The following RALGPS1 variants were observed in gnomAD, a reference collection of about 807,000 sequenced individuals.
The protein encoded by RALGPS1 is Ral GEF with PH domain and SH3 binding motif 1, also known as ras-specific guanine nucleotide-releasing factor RalGPS1.
Under a neutral mutation model 78.8 loss-of-function variants are expected in RALGPS1, and 19 were observed. The observed-to-expected ratio is 0.24, with a 90% CI of 0.17 to 0.35. The LOEUF is 0.35. Ranked by LOEUF, RALGPS1 falls within the 10% of genes least tolerant of loss-of-function variation. The pLI is 1.00. For synonymous variants in RALGPS1, 228 were observed against 256.3 expected (o/e 0.89, Z 1.06); for missense variants, 454 against 688.3 (o/e 0.66, Z 3.81).
rs984227720 is a variant in RALGPS1, at chr9:127,216,812, A to G, written c.1645-1928A>G. On this transcript the variant is annotated intron_variant, in intron 18 of 18. Coordinates refer to ENST00000259351, the MANE Select transcript of RALGPS1 (RefSeq NM_014636.3). ...GGAAGAGCATCCTGGCCTCCTCCAT[A>G]CTGGTCACACCATGTGTGTCTGGGG... 3 of 1,196,026 alleles carry G rather than the reference A, an allele frequency of 2.5e-6. No individual in the cohort carries two copies. The Admixed American group carries it at 1.1e-4, about 44-fold the overall frequency. The allele number at this position is 1,196,026 out of a possible 1,614,324, so 74.1% of individuals were successfully genotyped here. A position where few individuals can be genotyped will look rare whatever the true frequency, so the allele number is the denominator to read the frequency against.
At chr9:126,991,071 C>T (rs372959216) in intron 4 of RALGPS1, among the ~76,000 whole-genome samples, 5 of 152,284 alleles carry the variant, frequency 3.3e-5, no homozygotes, top group East Asian at 1.9e-4. Flanking sequence ...TTAGAGCTAT[C>T]GTTACTTAGC....
intron 11 of RALGPS1, 85 bp from the exon 12 acceptor site, chr9:127,195,006 C>A: frequency 6.5e-7 from 1 of 1,532,670 alleles, no homozygotes; most frequent in South Asian, 1.1e-5. Flanking sequence ...AACCCGGGGC[C>A]CACCTCCACA....
Position 126,940,657 on chromosome 9 carries a change from G to A in RALGPS1, c.-65-21568G>A, listed in dbSNP as rs138006604. On this transcript the variant is annotated intron_variant, in intron 1 of 18. Transcript: ENST00000259351. ...GGGGTTTTGTCGTGTTAGCCAGGAC[G>A]GTCTCGATCTCCTGACCTCGTGATC... 5.9e-3 allele frequency among the ~76,000 whole-genome samples: 893 copies of A among 152,106 alleles called. 28 individuals are homozygous for A. In the East Asian group the frequency reaches 0.082, roughly 14 times the overall value.
At chr9:127,067,036 A>G (rs1257422313) in intron 7 of RALGPS1, among the ~76,000 whole-genome samples, 1 of 152,160 alleles carries the variant, frequency 6.6e-6, no homozygotes, top group East Asian at 1.9e-4. Context: ...TGTTGAATCA[A>G]GTTCCCCAAA....
intron 4 of RALGPS1, among the ~76,000 whole-genome samples, chr9:126,990,558 C>T (rs1384150888): frequency 1.3e-5 from 2 of 152,220 alleles, no homozygotes; most frequent in African/African-American, 2.4e-5. Flanking sequence ...CACAGCCTCC[C>T]TGGTGTTCAC....
intron 8 of RALGPS1, among the ~76,000 whole-genome samples, chr9:127,124,608 A>G (rs1318537485): frequency 6.6e-6 from 1 of 152,206 alleles, no homozygotes; most frequent in African/African-American, 2.4e-5. Context: ...ACACAGCATT[A>G]GTAACTGGGA....
intron 7 of RALGPS1, among the ~76,000 whole-genome samples, chr9:127,055,410 G>T (rs2048659933): frequency 6.6e-6 from 1 of 152,196 alleles, no homozygotes; most frequent in Admixed American, 6.5e-5. Context: ...TAGAGATGGT[G>T]CCTTGCTATG....
rs926286238 is a variant in RALGPS1, at chr9:127,122,239, T to A, written c.611-43830T>A. On this transcript the variant is annotated intron_variant, in intron 8 of 18. Coordinates refer to ENST00000259351, the MANE Select transcript of RALGPS1 (RefSeq NM_014636.3). This position sits in a 1 kb window ranked among gnomAD's most constrained non-coding sequence, Gnocchi z 6.4. ...CACACCCCCAGCTGGAGGGTCAGGG[T>A]TCTGGAAGCCCTAGCCACGGGGCCA... The A allele has an allele frequency of 4.6e-5, 7 of 152,226 alleles. No homozygotes were observed. The highest frequency in any genetic ancestry group is 7.3e-5 in the Non-Finnish European group (5 of 68,134). 9.4% of individuals were successfully genotyped at this position (152,226 alleles called of 1,614,324 possible).
At chr9:127,021,450 A>G (rs1299201863) in intron 4 of RALGPS1, among the ~76,000 whole-genome samples, 5 of 150,834 alleles carry the variant, frequency 3.3e-5, no homozygotes, top group African/African-American at 9.7e-5. Context: ...GTGAGCTGAG[A>G]TCGCACCATT....
intron 8 of RALGPS1, among the ~76,000 whole-genome samples, chr9:127,099,190 G>T (rs1472539947): frequency 3.9e-5 from 6 of 152,174 alleles, no homozygotes; most frequent in African/African-American, 1.4e-4. Context: ...ACCACCTTAG[G>T]CCACTCAGAG....
chr9:127,040,620 A>G (rs566918691), intron 5 of RALGPS1, among the ~76,000 whole-genome samples: 2 of 152,256 alleles, frequency 1.3e-5, no homozygotes, highest in South Asian at 4.1e-4. Context: ...TGGGAAATCA[A>G]GAAGAAAGAG....
chr9:127,150,876 G>T (rs1216870670), intron 8 of RALGPS1, among the ~76,000 whole-genome samples: 9 of 152,122 alleles, frequency 5.9e-5, no homozygotes, highest in Non-Finnish European at 1.3e-4. Flanking sequence ...GCTACAGTGG[G>T]TGTGATCCAT....
At chr9:127,200,955 T>G (rs78477228) in intron 14 of RALGPS1, among the ~76,000 whole-genome samples, 1 of 152,248 alleles carries the variant, frequency 6.6e-6, no homozygotes, top group African/African-American at 2.4e-5. Flanking sequence ...ATTCACTCAC[T>G]TATTCATTCA....
chr9:126,971,550 A>C (rs2132456412), intron 3 of RALGPS1, among the ~76,000 whole-genome samples: 1 of 152,358 alleles, frequency 6.6e-6, no homozygotes, highest in Non-Finnish European at 1.5e-5. Context: ...AGTGAGCCAA[A>C]GAATTTATAA....
chr9:127,123,039 C>G (rs1022055394), intron 8 of RALGPS1, among the ~76,000 whole-genome samples: 1 of 152,246 alleles, frequency 6.6e-6, no homozygotes, highest in Admixed American at 6.5e-5. Flanking sequence ...CAGCCGCGTG[C>G]GAGCAGCAGG....
intron 10 of RALGPS1, 72 bp downstream of exon 10, chr9:127,168,844 G>A: frequency 1.5e-6 from 2 of 1,308,520 alleles, no homozygotes; most frequent in South Asian, 2.4e-5. Context: ...GTCCCTGCAA[G>A]TGGCCTAGCC....
chr9:127,013,018 TC>T (rs1174083345), intron 4 of RALGPS1, among the ~76,000 whole-genome samples: 1 of 152,160 alleles, frequency 6.6e-6, no homozygotes, highest in African/African-American at 2.4e-5. Flanking sequence ...AGCCAATACT[TC>T]CAGCTAGGAC....
chr9:127,035,325 G>GTTGGACCTTCATACC (rs1178013141), intron 5 of RALGPS1, among the ~76,000 whole-genome samples: 1 of 152,184 alleles, frequency 6.6e-6, no homozygotes, highest in Non-Finnish European at 1.5e-5. Flanking sequence ...ACAAGAACCT[G>GTTGGACCTTCATACC]TGCTCCAGGT....
At chr9:127,022,989 GAATA>G (rs1428826075) in intron 4 of RALGPS1, among the ~76,000 whole-genome samples, 1 of 152,182 alleles carries the variant, frequency 6.6e-6, no homozygotes, top group Non-Finnish European at 1.5e-5. Context: ...TAATTTTGGT[GAATA>G]AATGAATGTA....
Sources: allele counts gnomAD v4.1 joint callset (sites outside exome capture counted in the v4.1 genomes callset), GRCh38; gene constraint gnomAD v4.1.1; non-coding constraint Gnocchi (gnomAD v3.1); transcripts MANE v1.5; gene names NCBI Gene and HGNC (gene_info 2026-07-23, HGNC 2026-07-21).